ATAD2B: variants seen among roughly 807,000 people sequenced by gnomAD.
ATAD2B encodes ATPase family AAA domain-containing protein 2B.
In ATAD2B, 40 loss-of-function variants were observed where a neutral mutation model predicts 167.6. The observed-to-expected ratio is 0.24, with a 90% CI of 0.19 to 0.31. ATAD2B has a LOEUF of 0.31. ATAD2B is among the 10% of genes least tolerant of loss of function. ATAD2B has a pLI of 1.00. For missense variants in ATAD2B, 1,242 were observed against 1,757.2 expected (o/e 0.71, Z 5.24); for synonymous variants, 579 against 596.5 (o/e 0.97, Z 0.43).
At chr2:23,914,201 T>C (rs1047985767) in intron 1 of ATAD2B, among the ~76,000 whole-genome samples, 2 of 152,108 alleles carry the variant, frequency 1.3e-5, no homozygotes, top group African/African-American at 4.8e-5. Flanking sequence ...TATTACAAAG[T>C]GGCACCACAA....
At position 23,818,362 on chromosome 2, in the gene ATAD2B, C is replaced by CA. The variant is rs6146683; in HGVS notation, c.2267+1384dup. On this transcript the variant is annotated intron_variant, in intron 17 of 27. Coordinates refer to ENST00000238789, the MANE Select transcript of ATAD2B (RefSeq NM_017552.4). The stretch of plus-strand genomic sequence containing the variant: ...ACGCACAGGCTAGCCAGGTGAAAAG[C>CA]AAAAAAAAAAAAAAAAAAAAAAAAA... Among the ~76,000 whole-genome samples the CA allele has an allele frequency of 3.7e-3, 365 of 99,262 alleles. 3 individuals are homozygous for CA. Among genetic ancestry groups the CA allele is most frequent in the African/African-American group, 0.013 (324 of 25,826 alleles). 65.1% of individuals were successfully genotyped at this position (99,262 alleles called of 152,430 possible). A position where few individuals can be genotyped will look rare whatever the true frequency, so the allele number is the denominator to read the frequency against.
At chr2:23,732,188 T>A in the ATAD2B span, among the ~76,000 whole-genome samples, 86 of 152,250 alleles carry the variant, frequency 5.6e-4, no homozygotes, top group African/African-American at 2.0e-3. Flanking sequence ...AGCCTCACCA[T>A]AGGGATTCAA....
chr2:23,882,502 TAAAAAAAA>T (rs770725105), intron 6 of ATAD2B, among the ~76,000 whole-genome samples: 5 of 92,200 alleles, frequency 5.4e-5, no homozygotes, highest in African/African-American at 2.1e-4. Context: ...AGCCTCTATT[TAAAAAAAA>T]AAAAAAAAAA....
chr2:23,815,992 C>A (rs926234475), intron 17 of ATAD2B, among the ~76,000 whole-genome samples: 3 of 152,132 alleles, frequency 2.0e-5, no homozygotes, highest in African/African-American at 7.2e-5. Context: ...CACTGACCTA[C>A]CCCAACTACC....
chr2:23,915,142 G>A (rs1054121235), intron 1 of ATAD2B, among the ~76,000 whole-genome samples: 1 of 152,086 alleles, frequency 6.6e-6, no homozygotes, highest in Non-Finnish European at 1.5e-5. Flanking sequence ...GTGACTGTAT[G>A]TATACAGAGT....
intron 22 of ATAD2B, among the ~76,000 whole-genome samples, chr2:23,772,873 G>A (rs2149352909): frequency 6.6e-6 from 1 of 152,172 alleles, no homozygotes; most frequent in South Asian, 2.1e-4. Context: ...CTATTAATAG[G>A]ACCACAAGCA....
the ATAD2B span, chr2:23,703,924 G>T: frequency 6.8e-7 from 1 of 1,471,148 alleles, no homozygotes; most frequent in South Asian, 1.3e-5. Context: ...GGAGGGGTGT[G>T]ACCACAATGA....
chr2:23,912,822 T>C (rs1702498728), intron 1 of ATAD2B, among the ~76,000 whole-genome samples: 1 of 151,706 alleles, frequency 6.6e-6, no homozygotes, highest in Non-Finnish European at 1.5e-5. Flanking sequence ...GAAACCCCCA[T>C]CCCTACTAAA....
the ATAD2B span, among the ~76,000 whole-genome samples, chr2:23,694,557 A>G: frequency 2.6e-5 from 4 of 152,198 alleles, no homozygotes; most frequent in Admixed American, 6.5e-5. Context: ...GAAACTGTGC[A>G]GTCCTTGTTG....
chr2:23,805,520 G>C (rs935155853), intron 18 of ATAD2B, among the ~76,000 whole-genome samples: 1 of 152,004 alleles, frequency 6.6e-6, no homozygotes, highest in Non-Finnish European at 1.5e-5. Context: ...TTTATGTTTC[G>C]TGTGGCAATT....
At chr2:23,858,489 C>CTTTTTTT (rs34177847) in intron 12 of ATAD2B, among the ~76,000 whole-genome samples, 10 of 134,412 alleles carry the variant, frequency 7.4e-5, no homozygotes, top group African/African-American at 5.5e-5. Context: ...CTGTCTCATT[C>CTTTTTTT]TTTTTTTTTT....
chr2:23,858,858 T>A (rs1213895959), intron 12 of ATAD2B, among the ~76,000 whole-genome samples: 1 of 152,216 alleles, frequency 6.6e-6, no homozygotes, highest in Non-Finnish European at 1.5e-5. Context: ...CCCCTTCTTA[T>A]GGATACTTAG....
chr2:23,680,829 A>G, the ATAD2B span, among the ~76,000 whole-genome samples: 1 of 150,212 alleles, frequency 6.7e-6, no homozygotes, highest in Admixed American at 6.6e-5. This position sits in a 1 kb window ranked among gnomAD's most constrained non-coding sequence, Gnocchi z 4.1. Flanking sequence ...CTAGGCCATC[A>G]TCTTCTCCCG....
At chr2:23,783,980 T>A in intron 21 of ATAD2B, among the ~76,000 whole-genome samples, 1 of 152,080 alleles carries the variant, frequency 6.6e-6, no homozygotes, top group South Asian at 2.1e-4. Context: ...TGTTTAGGAT[T>A]ACTTATAAAA....
At chr2:23,783,246 T>C (rs1382231816) in intron 21 of ATAD2B, among the ~76,000 whole-genome samples, 1 of 151,672 alleles carries the variant, frequency 6.6e-6, no homozygotes, top group Non-Finnish European at 1.5e-5. Context: ...AAATCAACTC[T>C]GAAATGTTTC....
intron 18 of ATAD2B, among the ~76,000 whole-genome samples, chr2:23,803,226 G>A (rs1368783027): frequency 1.3e-5 from 2 of 151,846 alleles, no homozygotes; most frequent in Admixed American, 1.3e-4. Flanking sequence ...TGAACTTAAG[G>A]GGGCAACTAT....
chr2:23,803,599 A>G (rs1312658502), intron 18 of ATAD2B, among the ~76,000 whole-genome samples: 1 of 152,194 alleles, frequency 6.6e-6, no homozygotes, highest in Non-Finnish European at 1.5e-5. Flanking sequence ...TAAGAAAAAC[A>G]TTGCTTTTTA....
At chr2:23,789,905 C>T (rs17508855) in intron 19 of ATAD2B, among the ~76,000 whole-genome samples, 2,213 of 152,174 alleles carry the variant, frequency 0.015, 30 homozygotes, top group South Asian at 0.035. Flanking sequence ...ACTGTCAATG[C>T]CTTTTCCAGC....
At chr2:23,891,749 C>A (rs1443528871) in intron 2 of ATAD2B, among the ~76,000 whole-genome samples, 1 of 151,986 alleles carries the variant, frequency 6.6e-6, no homozygotes, top group Non-Finnish European at 1.5e-5. Flanking sequence ...CCCCGACCCC[C>A]ACCTCAGACT....
Sources: allele counts gnomAD v4.1 joint callset (sites outside exome capture counted in the v4.1 genomes callset), GRCh38; gene constraint gnomAD v4.1.1; non-coding constraint Gnocchi (gnomAD v3.1); transcripts MANE v1.5; gene names NCBI Gene and HGNC (gene_info 2026-07-23, HGNC 2026-07-21).